SOX6: variants seen among roughly 807,000 people sequenced by gnomAD.
SOX6 encodes the protein transcription factor SOX-6.
SOX6 carries 11 observed loss-of-function variants against 97.8 expected under a neutral mutation model. The ratio of observed to expected loss-of-function variants is 0.11; its 90% CI spans 0.07 to 0.19. SOX6 has a LOEUF of 0.19. Among genes scored for constraint, SOX6 ranks in the 10% least tolerant of loss-of-function variants. The probability of loss-of-function intolerance (pLI) is 1.00; values close to 1 mark genes in which losing one functional copy is unlikely to be tolerated. For missense variants in SOX6, 810 were observed against 1,039.5 expected, an observed-to-expected ratio of 0.78 and a Z score of 3.04; for synonymous variants, 360 against 371.4, an observed-to-expected ratio of 0.97 and a Z score of 0.35.
intron 2 of SOX6, among the ~76,000 whole-genome samples, chr11:16,338,971 T>C (rs1856547742): frequency 6.6e-6 from 1 of 152,062 alleles, no homozygotes; most frequent in South Asian, 2.1e-4. Context: ...AAATTTGAAC[T>C]GTATTATTTC....
At chr11:16,344,718 A>T (rs1856729714) in intron 1 of SOX6, among the ~76,000 whole-genome samples, 1 of 152,014 alleles carries the variant, frequency 6.6e-6, no homozygotes, top group Non-Finnish European at 1.5e-5. Context: ...GTAAAAGAAA[A>T]TCAAAATCCT....
chr11:16,166,522 C>T (rs541126257), intron 6 of SOX6, among the ~76,000 whole-genome samples: 1 of 152,276 alleles, frequency 6.6e-6, no homozygotes, highest in South Asian at 2.1e-4. Context: ...AAGTATCAAA[C>T]TAGGCATGTT....
rs566665904 is a variant in SOX6 at position 16,462,430 on chromosome 11, G to C, written c.-5+13885C>G. On this transcript the variant is annotated intron_variant, in intron 1 of 15. Transcript: ENST00000396356. ...ATCTATTCAATATATCTGGGAGACA[G>C]CTACTTCCTGTTTGACCTAATCACA... is the stretch of plus-strand genomic sequence containing the variant. Among the ~76,000 whole-genome samples, 45 of 152,312 alleles carry C rather than the reference G, an allele frequency of 3.0e-4. 1 individual carries two copies. The South Asian group carries it at 9.3e-3, about 32-fold the overall frequency.
rs1554976095 is a variant in SOX6, at chr11:16,583,614, C to CATATATACAT, written n.609+28466_609+28467insATGTATATAT. Among the ~76,000 whole-genome samples, 392 of 104,702 alleles carry CATATATACAT rather than the reference C, an allele frequency of 3.7e-3. 15 individuals are homozygous for CATATATACAT. Among genetic ancestry groups the CATATATACAT allele is most frequent in the Admixed American group, 9.6e-3 (97 of 10,098 alleles). 68.7% of individuals were successfully genotyped at this position (104,702 alleles called of 152,430 possible). ...ATATGTATATATGTGTATATATATA[C>CATATATACAT]ATATATATATATATATATATATACA... On this transcript the variant is annotated intron_variant and non_coding_transcript_variant, in intron 4 of 5. Coordinates refer to the SOX6 transcript ENST00000524520.
At position 16,181,629 on chromosome 11, in the gene SOX6, G is replaced by T. The variant is rs1253284051; in HGVS notation, c.777+2257C>A. Among the ~76,000 whole-genome samples the T allele has an allele frequency of 3.3e-5, 5 of 151,040 alleles. No homozygotes were observed. In the East Asian group the frequency reaches 9.7e-4, roughly 29 times the overall value. On this transcript the variant is annotated intron_variant, in intron 6 of 15. Transcript: ENST00000683767. ...TAAGTCTCAGAGATGAATACATTTT[G>T]TGATTTTGTGTAAGGAGTACGTGTT...
At chr11:16,110,042 T>C (rs1269761186) in intron 7 of SOX6, among the ~76,000 whole-genome samples, 2 of 152,116 alleles carry the variant, frequency 1.3e-5, no homozygotes, top group Non-Finnish European at 1.5e-5. Context: ...ATTAATGCTG[T>C]TAGAGAAGAC....
At chr11:16,423,507 A>T (rs900636605) in intron 1 of SOX6, among the ~76,000 whole-genome samples, 15 of 152,230 alleles carry the variant, frequency 9.9e-5, no homozygotes, top group African/African-American at 3.6e-4. Flanking sequence ...CAAATACTGA[A>T]TAAACATCTG....
chr11:16,268,612 T>C (rs987001114), intron 3 of SOX6, among the ~76,000 whole-genome samples: 1 of 151,160 alleles, frequency 6.6e-6, no homozygotes, highest in African/African-American at 2.4e-5. Flanking sequence ...AAATTCACAA[T>C]TGTAAGTCAG....
intron 9 of SOX6, among the ~76,000 whole-genome samples, chr11:16,081,718 A>G (rs1201652236): frequency 6.6e-6 from 1 of 152,198 alleles, no homozygotes; most frequent in Non-Finnish European, 1.5e-5. Flanking sequence ...AGCAAGATGA[A>G]TCATAAGACA....
At chr11:16,436,307 T>C (rs1481841262) in intron 1 of SOX6, among the ~76,000 whole-genome samples, 1 of 152,146 alleles carries the variant, frequency 6.6e-6, no homozygotes, top group African/African-American at 2.4e-5. Context: ...TTCTCTATTC[T>C]TTCATTGCTC....
chr11:16,608,232 A>G (rs1474128182), intron 4 of SOX6, among the ~76,000 whole-genome samples: 1 of 152,032 alleles, frequency 6.6e-6, no homozygotes, highest in Non-Finnish European at 1.5e-5. Context: ...AAAGGAGCAA[A>G]CTGGAGAAAG....
At chr11:16,602,465 G>T (rs1186916385) in intron 4 of SOX6, among the ~76,000 whole-genome samples, 16 of 151,464 alleles carry the variant, frequency 1.1e-4, no homozygotes, top group Admixed American at 9.2e-4. Context: ...TTTTTAAGAG[G>T]GACAATTTCT....
intron 4 of SOX6, among the ~76,000 whole-genome samples, chr11:16,220,615 C>G (rs1426740926): frequency 7.8e-6 from 1 of 127,872 alleles, no homozygotes; most frequent in African/African-American, 2.9e-5. Flanking sequence ...GAGGTAATGA[C>G]AGTTCCAGGT....
At chr11:16,243,834 T>C (rs1348561165) in intron 3 of SOX6, among the ~76,000 whole-genome samples, 1 of 152,010 alleles carries the variant, frequency 6.6e-6, no homozygotes, top group Non-Finnish European at 1.5e-5. Context: ...ATTCCTGTTG[T>C]AGCATGAATT....
intron 1 of SOX6, among the ~76,000 whole-genome samples, chr11:16,361,734 G>A (rs1189810864): frequency 6.6e-6 from 1 of 152,146 alleles, no homozygotes; most frequent in African/African-American, 2.4e-5. Flanking sequence ...GGAATGGCCT[G>A]ATGAAGATAG....
intron 4 of SOX6, among the ~76,000 whole-genome samples, chr11:16,199,382 C>A (rs1851872789): frequency 6.6e-6 from 1 of 152,082 alleles, no homozygotes; most frequent in Non-Finnish European, 1.5e-5. Flanking sequence ...TTCTCTACTG[C>A]AACAAACTTG....
intron 3 of SOX6, among the ~76,000 whole-genome samples, chr11:16,618,470 A>AT (rs1246845644): frequency 1.3e-5 from 2 of 151,618 alleles, no homozygotes; most frequent in Non-Finnish European, 3.0e-5. Flanking sequence ...CTATGTGAGT[A>AT]TTTTTTTTAA....
chr11:16,380,673 A>G (rs1369475583), intron 1 of SOX6, among the ~76,000 whole-genome samples: 1 of 152,118 alleles, frequency 6.6e-6, no homozygotes, highest in African/African-American at 2.4e-5. Context: ...CCAATCATAA[A>G]TTTAATTTAA....
chr11:16,307,396 C>T (rs938735329), intron 3 of SOX6, among the ~76,000 whole-genome samples: 1 of 152,144 alleles, frequency 6.6e-6, no homozygotes, highest in Admixed American at 6.5e-5. Flanking sequence ...TAAATTAAAA[C>T]CAAGGAATAA....
Sources: gnomAD v4.1 joint callset for allele counts (sites outside exome capture counted in the v4.1 genomes callset) on GRCh38, gnomAD v4.1.1 for gene constraint, MANE v1.5 for transcripts, NCBI Gene and HGNC (gene_info 2026-07-23, HGNC 2026-07-21) for gene names.